CPNE8: variants seen among roughly 807,000 people sequenced by gnomAD.
CPNE8 encodes copine-8.
A neutral mutation model predicts 81.5 loss-of-function variants in CPNE8; 45 were observed. That is an observed-to-expected ratio of 0.55 (90% CI 0.44 to 0.71). The LOEUF (loss-of-function observed/expected upper bound fraction) is 0.71, where lower values mean the gene tolerates loss of function less well. Ranked by LOEUF, CPNE8 falls within the 30% of genes least tolerant of loss-of-function variation. The pLI is 0.00. For synonymous variants in CPNE8, 252 were observed against 226.3 expected (o/e 1.11, Z -1.02); for missense variants, 594 against 672.1 (o/e 0.88, Z 1.28).
chr12:38,734,517 C>T lies in CPNE8; in HGVS notation c.723-4159G>A, dbSNP rs1048760413. ...GAAGGCCACCCTTCAATAGATAATG[C>T]TTATTTTCCTGACATTTATCTAGTT... On this transcript the variant is annotated intron_variant, in intron 10 of 19. Coordinates refer to ENST00000331366, the MANE Select transcript of CPNE8 (RefSeq NM_153634.3). Among the ~76,000 whole-genome samples, 8 of 151,974 alleles carry T rather than the reference C, an allele frequency of 5.3e-5. No individual in the cohort carries two copies. The South Asian group carries it at 8.3e-4, about 16-fold the overall frequency.
chr12:38,777,270 A>G (rs1941956147), intron 6 of CPNE8, among the ~76,000 whole-genome samples: 1 of 152,194 alleles, frequency 6.6e-6, no homozygotes. Context: ...TTTAAAAAGT[A>G]AAAATAAATA....
At chr12:38,838,148 G>A (rs1187539664) in intron 5 of CPNE8, among the ~76,000 whole-genome samples, 1 of 152,124 alleles carries the variant, frequency 6.6e-6, no homozygotes, top group Admixed American at 6.5e-5. Flanking sequence ...TTACCTGCCA[G>A]TTATTACGCC....
At chr12:38,695,126 A>C (rs1939765490) in intron 14 of CPNE8, among the ~76,000 whole-genome samples, 1 of 152,200 alleles carries the variant, frequency 6.6e-6, no homozygotes, top group Admixed American at 6.5e-5. Flanking sequence ...CTTCCTGACT[A>C]TAAGACCCTG....
At chr12:38,758,461 T>G (rs755320751) in intron 10 of CPNE8, among the ~76,000 whole-genome samples, 106 of 152,172 alleles carry the variant, frequency 7.0e-4, no homozygotes, top group Non-Finnish European at 1.0e-3. Flanking sequence ...ATGTCCAGGT[T>G]GAAGCCTTTC....
At chr12:38,726,495 AT>A (rs1257251830) in intron 11 of CPNE8, 2 of 152,222 alleles carry the variant, frequency 1.3e-5, no homozygotes, top group Non-Finnish European at 2.9e-5. Flanking sequence ...TGGTTATTCT[AT>A]TAAATATGGA....
intron 3 of CPNE8, among the ~76,000 whole-genome samples, chr12:38,856,865 G>A (rs1943746229): frequency 6.6e-6 from 1 of 151,666 alleles, no homozygotes; most frequent in Admixed American, 6.6e-5. Context: ...AAAACCTTAT[G>A]TTGTGATTTA....
intron 3 of CPNE8, among the ~76,000 whole-genome samples, chr12:38,852,296 G>T (rs894068753): frequency 1.3e-5 from 2 of 152,022 alleles, no homozygotes; most frequent in Non-Finnish European, 2.9e-5. Flanking sequence ...AGGCGTGGTG[G>T]CAGGCGCCTG....
chr12:38,867,648 G>A (rs922143073), intron 3 of CPNE8, among the ~76,000 whole-genome samples: 1 of 152,034 alleles, frequency 6.6e-6, no homozygotes, highest in Non-Finnish European at 1.5e-5. Context: ...AATTGTCTAT[G>A]GATAACTAAA....
At chr12:38,874,042 G>C (rs1352565479) in intron 2 of CPNE8, among the ~76,000 whole-genome samples, 1 of 149,338 alleles carries the variant, frequency 6.7e-6, no homozygotes, top group Non-Finnish European at 1.5e-5. Flanking sequence ...TCAGGCAATA[G>C]TCCTGCTTCG....
intron 19 of CPNE8, among the ~76,000 whole-genome samples, chr12:38,668,492 A>C (rs1470887245): frequency 6.6e-6 from 1 of 152,200 alleles, no homozygotes; most frequent in Non-Finnish European, 1.5e-5. Context: ...CTATTTCCTA[A>C]TGAAGAAAGT....
chr12:38,745,426 C>A (rs1331658449), intron 10 of CPNE8, among the ~76,000 whole-genome samples: 3 of 152,208 alleles, frequency 2.0e-5, no homozygotes, highest in Non-Finnish European at 2.9e-5. Flanking sequence ...CAGGAACATA[C>A]CCTTCTTCAA....
At chr12:38,735,733 A>G (rs1215150492) in intron 10 of CPNE8, among the ~76,000 whole-genome samples, 1 of 152,006 alleles carries the variant, frequency 6.6e-6, no homozygotes. Context: ...ACCTTTCAGT[A>G]TTCCTAGATT....
chr12:38,883,910 T>C (rs1944200144), intron 1 of CPNE8, among the ~76,000 whole-genome samples: 1 of 152,180 alleles, frequency 6.6e-6, no homozygotes, highest in Non-Finnish European at 1.5e-5. Context: ...AACATTTATA[T>C]CCATTACCTA....
chr12:38,659,694 T>C (rs1938906950), intron 19 of CPNE8, among the ~76,000 whole-genome samples: 2 of 151,974 alleles, frequency 1.3e-5, no homozygotes, highest in African/African-American at 4.8e-5. Flanking sequence ...CACAACAAAC[T>C]CTCTCTCAGA....
chr12:38,740,224 C>T (rs1319434292), intron 10 of CPNE8, among the ~76,000 whole-genome samples: 1 of 152,118 alleles, frequency 6.6e-6, no homozygotes, highest in Non-Finnish European at 1.5e-5. Flanking sequence ...TATAAGAATG[C>T]TTGTGATTTT....
intron 6 of CPNE8, among the ~76,000 whole-genome samples, chr12:38,783,848 C>T (rs370608025): frequency 1.3e-5 from 2 of 152,192 alleles, no homozygotes; most frequent in Admixed American, 6.5e-5. Context: ...GTTTAGATCA[C>T]AACACTCGAG....
At chr12:38,897,730 C>A (rs1248725257) in intron 1 of CPNE8, among the ~76,000 whole-genome samples, 2 of 151,624 alleles carry the variant, frequency 1.3e-5, no homozygotes, top group African/African-American at 2.4e-5. Flanking sequence ...ATACATGAGA[C>A]AAAAATGAAC....
intron 14 of CPNE8, among the ~76,000 whole-genome samples, chr12:38,697,096 A>G (rs1565571892): frequency 1.3e-5 from 2 of 152,202 alleles, no homozygotes; most frequent in Admixed American, 6.5e-5. Flanking sequence ...GATTGTTACT[A>G]TATTCATAGT....
chr12:38,899,239 G>A (rs1944427221), intron 1 of CPNE8, among the ~76,000 whole-genome samples: 1 of 152,118 alleles, frequency 6.6e-6, no homozygotes. Context: ...AGGAGGTAGG[G>A]CCTTTGGGAG....
Sources: gnomAD v4.1 joint callset for allele counts (sites outside exome capture counted in the v4.1 genomes callset) on GRCh38, gnomAD v4.1.1 for gene constraint, MANE v1.5 for transcripts, NCBI Gene and HGNC (gene_info 2026-07-23, HGNC 2026-07-21) for gene names.